The following CTTNBP2 variants were observed in gnomAD, a reference collection of about 807,000 sequenced individuals.
CTTNBP2 encodes the protein cortactin-binding protein 2.
Under a neutral mutation model 156.9 loss-of-function variants are expected in CTTNBP2, and 108 were observed. The observed-to-expected ratio is 0.69, with a 90% CI of 0.59 to 0.81. The LOEUF is 0.81. CTTNBP2 is among the 30% of genes least tolerant of loss of function. CTTNBP2 has a pLI of 0.00. For missense variants in CTTNBP2, 1,924 were observed against 2,035.4 expected, an observed-to-expected ratio of 0.95 and a Z score of 1.05; for synonymous variants, 767 against 751.8, an observed-to-expected ratio of 1.02 and a Z score of -0.33.
chr7:117,717,855 T>TCTTTCTATAAGC (rs1794527498), intron 22 of CTTNBP2, among the ~76,000 whole-genome samples, 163 bp downstream of exon 22: 1 of 151,962 alleles, frequency 6.6e-6, no homozygotes, highest in African/African-American at 2.4e-5. Flanking sequence ...ATTCTATAAG[T>TCTTTCTATAAGC]ACTCTTTCTA....
intron 4 of CTTNBP2, among the ~76,000 whole-genome samples, chr7:117,790,295 A>C (rs969355160): frequency 6.6e-6 from 1 of 152,248 alleles, no homozygotes; most frequent in African/African-American, 2.4e-5. Flanking sequence ...TTTTGGTAAC[A>C]TTACTTTAGA....
At chr7:117,832,270 C>T (rs940653970) in intron 2 of CTTNBP2, among the ~76,000 whole-genome samples, 4 of 152,144 alleles carry the variant, frequency 2.6e-5, no homozygotes, top group Non-Finnish European at 1.5e-5. Context: ...ATCCCAGCCG[C>T]CACCATGCAA....
Position 117,711,265 on chromosome 7 carries a change from T to C in CTTNBP2, c.*272A>G. 1 of 350,220 alleles carries C rather than the reference T, an allele frequency of 2.9e-6. No homozygotes were observed. Among genetic ancestry groups the C allele is most frequent in the East Asian group, 6.3e-5 (1 of 15,958 alleles). 21.7% of individuals were successfully genotyped at this position (350,220 alleles called of 1,614,324 possible). A position where few individuals can be genotyped will look rare whatever the true frequency, so the allele number is the denominator to read the frequency against. ...GTTTTAATACCCCTGAACATCTTGA[T>C]TAAAACTATTACAATTTTTCTATTA... On this transcript the variant is annotated 3_prime_UTR_variant, in exon 23 of 23. Coordinates refer to ENST00000160373, the MANE Select transcript of CTTNBP2 (RefSeq NM_033427.3).
At chr7:117,782,790 C>A in intron 6 of CTTNBP2, 72 bp downstream of exon 6, 1 of 1,001,308 alleles carries the variant, frequency 1.0e-6, no homozygotes, top group Non-Finnish European at 1.5e-6. Flanking sequence ...TCAGCCGGAA[C>A]TAAAATACGT....
At chr7:117,863,119 A>T (rs748020740) in intron 1 of CTTNBP2, among the ~76,000 whole-genome samples, 10 of 152,246 alleles carry the variant, frequency 6.6e-5, no homozygotes, top group African/African-American at 1.7e-4. Context: ...TTTAAGTTTC[A>T]AAATAATCTT....
intron 14 of CTTNBP2, among the ~76,000 whole-genome samples, chr7:117,745,131 G>T (rs1796254069): frequency 6.6e-6 from 1 of 151,950 alleles, no homozygotes; most frequent in African/African-American, 2.4e-5. Flanking sequence ...TGAAACGTGG[G>T]GTATTAGACC....
At chr7:117,755,778 T>C (rs1035502916) in intron 12 of CTTNBP2, among the ~76,000 whole-genome samples, 2 of 152,226 alleles carry the variant, frequency 1.3e-5, no homozygotes, top group Non-Finnish European at 2.9e-5. Flanking sequence ...ACCACCTGGT[T>C]TTAGGTGGGT....
chr7:117,736,083 T>C (rs976113065), intron 14 of CTTNBP2, among the ~76,000 whole-genome samples: 2 of 152,214 alleles, frequency 1.3e-5, no homozygotes, highest in Non-Finnish European at 2.9e-5. Context: ...TATATTTTAG[T>C]ATATCTATTT....
intron 12 of CTTNBP2, among the ~76,000 whole-genome samples, chr7:117,748,694 T>A (rs10242695): frequency 6.6e-6 from 1 of 152,126 alleles, no homozygotes; most frequent in Non-Finnish European, 1.5e-5. Context: ...GACTCTACTA[T>A]GACTTTCTTG....
At chr7:117,779,653 T>C (rs780993427) in intron 7 of CTTNBP2, among the ~76,000 whole-genome samples, 1 of 151,756 alleles carries the variant, frequency 6.6e-6, no homozygotes, top group Non-Finnish European at 1.5e-5. Context: ...TTTCAAAAAA[T>C]AGGAAGTTTT....
chr7:117,756,742 T>C lies in CTTNBP2; in HGVS notation c.3269-108A>G, dbSNP rs992436213. 1.0e-5 allele frequency: 8 copies of C among 796,576 alleles called. No individual in the cohort carries two copies. The African/African-American group carries it at 1.2e-4, about 12-fold the overall frequency. The allele number at this position is 796,576 out of a possible 1,614,324, so 49.3% of individuals were successfully genotyped here. On this transcript the variant is annotated intron_variant, in intron 11 of 22. Transcript: ENST00000160373. Reference sequence around the variant, plus strand: ...AGATGAATGTGTTTGTTGACTTATGTAGGCAGAGCTGACATTTGGCCAGGA... The same window carrying C: ...AGATGAATGTGTTTGTTGACTTATGCAGGCAGAGCTGACATTTGGCCAGGA...
Position 117,719,488 on chromosome 7 carries a change from C to A in CTTNBP2, c.4644+16G>T, listed in dbSNP as rs1402334767. 7.4e-6 allele frequency: 12 copies of A among 1,611,074 alleles called. No individual in the cohort carries two copies. Among genetic ancestry groups the A allele is most frequent in the Non-Finnish European group, 1.0e-5 (12 of 1,178,314 alleles). On this transcript the variant is annotated intron_variant, in intron 21 of 22. Transcript: ENST00000160373. ...TTGAGTAGAGCCATTCAATGCCCCC[C>A]ATTTGTACTGCTCACCTTGCTGATA...
At chr7:117,784,217 G>A in intron 5 of CTTNBP2, 34 bp downstream of exon 5, 1 of 1,465,088 alleles carries the variant, frequency 6.8e-7, no homozygotes. Context: ...CCATCCTTTT[G>A]CAAGTGTGTG....
intron 14 of CTTNBP2, among the ~76,000 whole-genome samples, chr7:117,737,780 A>G (rs954119838): frequency 1.3e-5 from 2 of 151,684 alleles, no homozygotes; most frequent in African/African-American, 4.9e-5. Flanking sequence ...GGGAGTAACC[A>G]TGTTGGTCAG....
In CTTNBP2 at chr7:117,760,540, C is replaced by A. The variant is rs1311128524; in HGVS notation, c.3067G>T (p.Ala1023Ser). The change falls in exon 10 of 23, where the codon GCA becomes TCA. Residue 1023 changes from alanine to serine, a missense_variant. Transcript: ENST00000160373. ...CTCCACCATCCATCAGAAGAGATTG[C>A]CTGGAAATGATTTGTCAGAGCTTGA... The part of the protein sequence containing the change: ...VSQALTNHFQ[A>S]ISSDGWWSLE... 6.2e-7 allele frequency: 1 copy of A among 1,614,106 alleles called. No homozygotes were observed. The highest frequency in any genetic ancestry group is 2.2e-5 in the East Asian group (1 of 44,890).
chr7:117,723,853 A>C (rs985534579), intron 19 of CTTNBP2, among the ~76,000 whole-genome samples: 6 of 151,484 alleles, frequency 4.0e-5, no homozygotes, highest in African/African-American at 1.5e-4. Flanking sequence ...CGCAGGTTCA[A>C]GCAATTCTCA....
intron 11 of CTTNBP2, among the ~76,000 whole-genome samples, chr7:117,757,180 T>C (rs972958287): frequency 6.6e-6 from 1 of 152,168 alleles, no homozygotes; most frequent in Non-Finnish European, 1.5e-5. Context: ...GTTCAAGTAA[T>C]AAAATAAATC....
intron 12 of CTTNBP2, among the ~76,000 whole-genome samples, chr7:117,747,230 G>A (rs1260526698): frequency 6.6e-6 from 1 of 152,142 alleles, no homozygotes; most frequent in East Asian, 1.9e-4. Flanking sequence ...TCTAGAACAG[G>A]ACAATGTAAG....
At chr7:117,804,238 C>G (rs918240353) in intron 3 of CTTNBP2, among the ~76,000 whole-genome samples, 3 of 152,152 alleles carry the variant, frequency 2.0e-5, no homozygotes, top group Non-Finnish European at 2.9e-5. Context: ...GCTGGGATTA[C>G]AAGTGTGAGC....
Sources: allele counts gnomAD v4.1 joint callset (sites outside exome capture counted in the v4.1 genomes callset), GRCh38; gene constraint gnomAD v4.1.1; transcripts MANE v1.5; gene names NCBI Gene and HGNC (gene_info 2026-07-23, HGNC 2026-07-21).